Variants in SOX6 observed in about 807,000 individuals in gnomAD.
The protein encoded by SOX6 is transcription factor SOX-6.
In SOX6, 11 loss-of-function variants were observed where a neutral mutation model predicts 97.8. That is an observed-to-expected ratio of 0.11 (90% CI 0.07 to 0.19). The LOEUF (loss-of-function observed/expected upper bound fraction) is 0.19, where lower values mean the gene tolerates loss of function less well. SOX6 is among the 10% of genes least tolerant of loss of function. The pLI is 1.00. For missense variants in SOX6, 810 were observed against 1,039.5 expected, an observed-to-expected ratio of 0.78 and a Z score of 3.04; for synonymous variants, 360 against 371.4, an observed-to-expected ratio of 0.97 and a Z score of 0.35.
At chr11:16,218,661 T>C (rs1033925862) in intron 4 of SOX6, among the ~76,000 whole-genome samples, 1 of 152,120 alleles carries the variant, frequency 6.6e-6, no homozygotes, top group Non-Finnish European at 1.5e-5. Context: ...AAAAACATAT[T>C]TTAAAGCTAT....
intron 9 of SOX6, among the ~76,000 whole-genome samples, chr11:16,072,114 T>G (rs1457800018): frequency 6.6e-6 from 1 of 152,066 alleles, no homozygotes; most frequent in Non-Finnish European, 1.5e-5. Context: ...AAAACAGAAT[T>G]CATTTCTGAC....
At chr11:16,392,534 T>C (rs1400705458) in intron 1 of SOX6, among the ~76,000 whole-genome samples, 4 of 152,300 alleles carry the variant, frequency 2.6e-5, no homozygotes, top group South Asian at 4.1e-4. Context: ...TTTTTAAAGA[T>C]AAGTAAATTA....
chr11:15,992,675 A>G (rs1854091582), intron 13 of SOX6, among the ~76,000 whole-genome samples: 1 of 152,178 alleles, frequency 6.6e-6, no homozygotes, highest in Non-Finnish European at 1.5e-5. Flanking sequence ...ATCTGAATTA[A>G]CACCTGGGTA....
intron 3 of SOX6, chr11:16,646,454 G>A (rs979690318): frequency 6.6e-6 from 1 of 151,204 alleles, no homozygotes; most frequent in African/African-American, 2.4e-5. Flanking sequence ...CCTTTCGTAA[G>A]TTTTTTTATT....
At chr11:16,550,361 T>C (rs900004089) in intron 4 of SOX6, among the ~76,000 whole-genome samples, 1 of 152,058 alleles carries the variant, frequency 6.6e-6, no homozygotes, top group South Asian at 2.1e-4. Context: ...ATATACCTAA[T>C]GTAAATGACG....
intron 2 of SOX6, among the ~76,000 whole-genome samples, chr11:16,321,009 C>T (rs1855905635): frequency 6.6e-6 from 1 of 152,082 alleles, no homozygotes; most frequent in Non-Finnish European, 1.5e-5. Context: ...TACAAGAATT[C>T]TGTGAAGTGA....
intron 3 of SOX6, among the ~76,000 whole-genome samples, chr11:16,699,378 G>T (rs188351407): frequency 6.6e-6 from 1 of 151,962 alleles, no homozygotes; most frequent in African/African-American, 2.4e-5. Flanking sequence ...ACATCACGCT[G>T]CCACCAAGAA....
intron 6 of SOX6, among the ~76,000 whole-genome samples, chr11:16,132,492 G>GA (rs1491437605): frequency 6.8e-6 from 1 of 148,004 alleles, no homozygotes; most frequent in South Asian, 2.2e-4. Flanking sequence ...AAGAAAGAAA[G>GA]AAAGAAAGAA....
intron 2 of SOX6, among the ~76,000 whole-genome samples, chr11:16,731,532 A>G (rs1848350101): frequency 6.6e-6 from 1 of 152,254 alleles, no homozygotes; most frequent in Non-Finnish European, 1.5e-5. Flanking sequence ...AAGGCCTTCG[A>G]TAAAATTCAA....
chr11:16,004,726 G>A (rs1258695328), intron 13 of SOX6, among the ~76,000 whole-genome samples: 1 of 151,970 alleles, frequency 6.6e-6, no homozygotes, highest in Non-Finnish European at 1.5e-5. Flanking sequence ...ATAGGAAAAA[G>A]CTAATCCAAC....
At chr11:16,720,726 G>GA (rs1310067428) in intron 2 of SOX6, among the ~76,000 whole-genome samples, 9 of 148,582 alleles carry the variant, frequency 6.1e-5, no homozygotes, top group Non-Finnish European at 1.2e-4. Flanking sequence ...CACACAAAAA[G>GA]AAAAAAAAAG....
chr11:16,087,995 G>T (rs61120830), intron 9 of SOX6, among the ~76,000 whole-genome samples: 2 of 151,682 alleles, frequency 1.3e-5, no homozygotes, highest in South Asian at 2.1e-4. Flanking sequence ...GGGACAGGGT[G>T]GGGGGTGGGG....
At chr11:16,575,520 G>A (rs1175192963) in intron 4 of SOX6, among the ~76,000 whole-genome samples, 1 of 151,990 alleles carries the variant, frequency 6.6e-6, no homozygotes, top group East Asian at 1.9e-4. Context: ...AAATAAAGAG[G>A]ATAAACAATT....
rs1008278915 is a variant in SOX6, at chr11:15,967,005, C to T, written c.*5804G>A. 4 of 151,958 alleles carry T rather than the reference C, an allele frequency of 2.6e-5. No individual in the cohort carries two copies. Among genetic ancestry groups the T allele is most frequent in the Non-Finnish European group, 4.4e-5 (3 of 68,008 alleles). The allele number at this position is 151,958 out of a possible 1,614,324, so 9.4% of individuals were successfully genotyped here. A position where few individuals can be genotyped will look rare whatever the true frequency, so the allele number is the denominator to read the frequency against. On this transcript the variant is annotated 3_prime_UTR_variant, in exon 16 of 16. Coordinates refer to ENST00000683767, the MANE Select transcript of SOX6 (RefSeq NM_001367873.1). ...GTGTGAGAAAGATGTGATGGCAACC[C>T]TTAAGGTCATTTAAAAACTTTACAC...
intron 1 of SOX6, among the ~76,000 whole-genome samples, chr11:16,391,869 A>C (rs12295262): frequency 0.016 from 2,389 of 152,016 alleles, 60 homozygotes; most frequent in African/African-American, 0.055. Context: ...GAAATTTTCT[A>C]TACTGATTTT....
intron 13 of SOX6, among the ~76,000 whole-genome samples, chr11:16,012,934 C>T (rs911048109): frequency 3.9e-5 from 6 of 151,986 alleles, no homozygotes; most frequent in Admixed American, 3.3e-4. Flanking sequence ...TGGTTTCAAT[C>T]TAGACAATCT....
intron 4 of SOX6, among the ~76,000 whole-genome samples, chr11:16,583,398 T>C (rs565653005): frequency 6.6e-6 from 1 of 151,434 alleles, no homozygotes; most frequent in East Asian, 1.9e-4. Flanking sequence ...TATCTAGCTA[T>C]AATTTTATAT....
Position 16,534,794 on chromosome 11 carries a change from A to G in SOX6, n.610-58406T>C, listed in dbSNP as rs116599221. Reference sequence around the variant, plus strand: ...CAGCAGCAATGCTAAGGGCCAAGCAAGAGACATTTAGAAAAGCTTCGTCCA... The same window carrying G: ...CAGCAGCAATGCTAAGGGCCAAGCAGGAGACATTTAGAAAAGCTTCGTCCA... On this transcript the variant is annotated intron_variant and non_coding_transcript_variant, in intron 4 of 5. Transcript: ENST00000524520. Among the ~76,000 whole-genome samples, 1,173 of 152,276 alleles carry G rather than the reference A, an allele frequency of 7.7e-3. 14 individuals are homozygous for G. Among genetic ancestry groups the G allele is most frequent in the African/African-American group, 0.027 (1,102 of 41,550 alleles).
In SOX6 at chr11:15,969,073, ATTTTTTTTTTT is replaced by A. The variant is rs60907927; in HGVS notation, c.*3725_*3735del. On this transcript the variant is annotated 3_prime_UTR_variant, in exon 16 of 16. Coordinates refer to ENST00000683767, the MANE Select transcript of SOX6 (RefSeq NM_001367873.1). ...CCTTTTCCTTCCATTCCATATGGCT[ATTTTTTTTTTT>A]TTTTTTTTTTGGGAGAGGATTGCCT... The A allele has an allele frequency of 8.8e-5, 8 of 90,620 alleles. No individual in the cohort carries two copies. Among genetic ancestry groups the A allele is most frequent in the African/African-American group, 2.7e-4 (7 of 25,814 alleles). The allele number at this position is 90,620 out of a possible 1,614,324, so 5.6% of individuals were successfully genotyped here.
Sources: allele counts gnomAD v4.1 joint callset (sites outside exome capture counted in the v4.1 genomes callset), GRCh38; gene constraint gnomAD v4.1.1; transcripts MANE v1.5; gene names NCBI Gene and HGNC (gene_info 2026-07-23, HGNC 2026-07-21).